Variants in KCNH7 observed in about 807,000 individuals in gnomAD.
KCNH7 encodes voltage-gated inwardly rectifying potassium channel KCNH7.
Under a neutral mutation model 120.8 loss-of-function variants are expected in KCNH7, and 49 were observed. The observed-to-expected ratio is 0.41, with a 90% CI of 0.32 to 0.51. The LOEUF (loss-of-function observed/expected upper bound fraction) is 0.51. KCNH7 is among the 20% of genes least tolerant of loss of function. The pLI is 0.38. For missense variants in KCNH7, 1,097 were observed against 1,446.6 expected, an observed-to-expected ratio of 0.76 and a Z score of 3.92; for synonymous variants, 547 against 516.1, an observed-to-expected ratio of 1.06 and a Z score of -0.81.
At chr2:162,739,031 C>A (rs78618724) in intron 2 of KCNH7, among the ~76,000 whole-genome samples, 4 of 152,226 alleles carry the variant, frequency 2.6e-5, no homozygotes, top group East Asian at 1.9e-4. Flanking sequence ...ACAACCTGTG[C>A]GGGAGCTCAA....
intron 14 of KCNH7, among the ~76,000 whole-genome samples, chr2:162,376,552 TG>T (rs1356323744): frequency 6.6e-6 from 1 of 151,806 alleles, no homozygotes; most frequent in Non-Finnish European, 1.5e-5. Context: ...TCAGTAGAGA[TG>T]GGGGTTCACC....
intron 2 of KCNH7, among the ~76,000 whole-genome samples, chr2:162,678,718 T>C (rs1685609859): frequency 6.6e-6 from 1 of 151,510 alleles, no homozygotes; most frequent in South Asian, 2.1e-4. Flanking sequence ...TATGTTTGAA[T>C]CAGGTGACCT....
intron 14 of KCNH7, among the ~76,000 whole-genome samples, chr2:162,378,553 A>T (rs930336901): frequency 6.6e-6 from 1 of 152,344 alleles, no homozygotes; most frequent in East Asian, 1.9e-4. Context: ...CTTGTTAAAC[A>T]TGGCAGAATT....
chr2:162,410,745 CCAA>C (rs1321506969), intron 9 of KCNH7, among the ~76,000 whole-genome samples: 3 of 151,676 alleles, frequency 2.0e-5, no homozygotes, highest in Non-Finnish European at 4.4e-5. Flanking sequence ...CTTAAGCAAA[CCAA>C]CAAGCAAAAA....
In KCNH7 at chr2:162,444,215, T is replaced by A. The variant is rs145893026; in HGVS notation, c.1554+1803A>T. Among the ~76,000 whole-genome samples the A allele has an allele frequency of 1.9e-3, 292 of 152,318 alleles. 2 individuals carry two copies. The highest frequency in any genetic ancestry group is 3.4e-3 in the Middle Eastern group (1 of 294). ...GCCATCCCCTACCCCTCTTCCTCAA[T>A]TCTAGAATGTAAGTTCCTGGACAAC... On this transcript the variant is annotated intron_variant, in intron 7 of 15. Transcript: ENST00000332142.
chr2:162,838,647 A>G lies in KCNH7; in HGVS notation c.-129T>C. 2 of 672,464 alleles carry G rather than the reference A, an allele frequency of 3.0e-6. No homozygotes were observed. The highest frequency in any genetic ancestry group is 3.7e-5 in the South Asian group (2 of 54,726). The allele number at this position is 672,464 out of a possible 1,614,324, so 41.7% of individuals were successfully genotyped here. On this transcript the variant is annotated 5_prime_UTR_variant, in exon 1 of 16. Transcript: ENST00000332142. ...CAGAGCATCCTCTTTTGAAACCAGAATTCTCTTCCCATTAGCACCACTTCT... is the reference window on the plus strand; with the variant it reads ...CAGAGCATCCTCTTTTGAAACCAGAGTTCTCTTCCCATTAGCACCACTTCT...
At chr2:162,671,172 TAAAAC>T in intron 2 of KCNH7, among the ~76,000 whole-genome samples, 1 of 152,054 alleles carries the variant, frequency 6.6e-6, no homozygotes, top group Non-Finnish European at 1.5e-5. Flanking sequence ...AAATATCTCT[TAAAAC>T]AAAAAAGAGA....
chr2:162,512,787 G>A, intron 4 of KCNH7, 113 bp from the exon 5 acceptor site: 1 of 799,426 alleles, frequency 1.3e-6, no homozygotes, highest in East Asian at 2.8e-5. Context: ...GAATATGATG[G>A]AAAATTTCTC....
intron 2 of KCNH7, among the ~76,000 whole-genome samples, chr2:162,683,105 A>G (rs1056574716): frequency 6.6e-6 from 1 of 151,840 alleles, no homozygotes; most frequent in Admixed American, 6.6e-5. Context: ...ATAATACAGA[A>G]ATGCTTTTAC....
intron 3 of KCNH7, among the ~76,000 whole-genome samples, chr2:162,526,492 C>G (rs187934977): frequency 6.6e-5 from 10 of 151,722 alleles, no homozygotes; most frequent in African/African-American, 1.4e-4. Context: ...GCCGCCCCCC[C>G]GAAGCAGCCA....
At chr2:162,412,832 T>C (rs915773333) in intron 9 of KCNH7, among the ~76,000 whole-genome samples, 2 of 152,166 alleles carry the variant, frequency 1.3e-5, no homozygotes, top group African/African-American at 2.4e-5. Flanking sequence ...CATACTAACA[T>C]GGCAAGGAAG....
intron 7 of KCNH7, among the ~76,000 whole-genome samples, chr2:162,442,364 T>C (rs1688451398): frequency 6.6e-6 from 1 of 151,848 alleles, no homozygotes; most frequent in Admixed American, 6.6e-5. Context: ...TACGCCAATA[T>C]ATCCTCTTAG....
chr2:162,601,184 C>T (rs1235073908), intron 2 of KCNH7, among the ~76,000 whole-genome samples: 1 of 151,784 alleles, frequency 6.6e-6, no homozygotes, highest in Admixed American at 6.6e-5. Context: ...CACGATGCTC[C>T]AGTTTATGAA....
intron 6 of KCNH7, among the ~76,000 whole-genome samples, chr2:162,491,563 A>G (rs981358196): frequency 6.6e-6 from 1 of 152,180 alleles, no homozygotes; most frequent in Non-Finnish European, 1.5e-5. Flanking sequence ...GGAACTCAAA[A>G]GTTACCAACA....
chr2:162,655,346 T>C (rs568761939), intron 2 of KCNH7, among the ~76,000 whole-genome samples: 5 of 152,318 alleles, frequency 3.3e-5, no homozygotes, highest in Non-Finnish European at 7.3e-5. Context: ...AAGATATTGA[T>C]GAAATTTTAA....
chr2:162,836,289 G>A (rs1685661583), intron 2 of KCNH7, among the ~76,000 whole-genome samples: 1 of 152,116 alleles, frequency 6.6e-6, no homozygotes, highest in African/African-American at 2.4e-5. Flanking sequence ...CTGATTTGTA[G>A]CATTTTAACC....
At chr2:162,835,676 C>G (rs1298040627) in intron 2 of KCNH7, among the ~76,000 whole-genome samples, 1 of 151,334 alleles carries the variant, frequency 6.6e-6, no homozygotes, top group Non-Finnish European at 1.5e-5. Context: ...ATATATACAC[C>G]TTAAAATGGG....
At chr2:162,521,861 C>G (rs1037586323) in intron 3 of KCNH7, among the ~76,000 whole-genome samples, 1 of 151,832 alleles carries the variant, frequency 6.6e-6, no homozygotes, top group African/African-American at 2.4e-5. Context: ...TTGTATCTAA[C>G]TACATTTTGG....
chr2:162,430,517 T>C (rs1356785936), intron 8 of KCNH7, among the ~76,000 whole-genome samples: 1 of 152,046 alleles, frequency 6.6e-6, no homozygotes, highest in Non-Finnish European at 1.5e-5. Flanking sequence ...AGGTTATTTC[T>C]CCCTTCTGTG....
Sources: gnomAD v4.1 joint callset for allele counts (sites outside exome capture counted in the v4.1 genomes callset) on GRCh38, gnomAD v4.1.1 for gene constraint, MANE v1.5 for transcripts, NCBI Gene and HGNC (gene_info 2026-07-23, HGNC 2026-07-21) for gene names.